The following RNF157 variants were observed in gnomAD, a reference collection of about 807,000 sequenced individuals.
RNF157 encodes E3 ubiquitin ligase RNF157.
A neutral mutation model predicts 88.3 loss-of-function variants in RNF157; 55 were observed. The observed-to-expected ratio is 0.62, with a 90% CI of 0.50 to 0.78. The LOEUF (loss-of-function observed/expected upper bound fraction) is 0.78. Among genes scored for constraint, RNF157 ranks in the 30% least tolerant of loss-of-function variants. The probability of loss-of-function intolerance (pLI) is 0.00; values close to 1 mark genes in which losing one functional copy is unlikely to be tolerated. For synonymous variants in RNF157, 334 were observed against 341.2 expected, an observed-to-expected ratio of 0.98 and a Z score of 0.23; for missense variants, 788 against 860.8, an observed-to-expected ratio of 0.92 and a Z score of 1.06.
intron 1 of RNF157, among the ~76,000 whole-genome samples, chr17:76,223,188 C>A (rs1465674182): frequency 6.7e-6 from 1 of 149,612 alleles, no homozygotes; most frequent in Non-Finnish European, 1.5e-5. Context: ...CCGCACCCGG[C>A]CTTTTTTTTT....
chr17:76,145,130 G>T lies in RNF157; in HGVS notation c.*105C>A. 1 of 703,240 alleles carries T rather than the reference G, an allele frequency of 1.4e-6. No homozygotes were observed. The highest frequency in any genetic ancestry group is 2.4e-6 in the Non-Finnish European group (1 of 409,664). The allele number at this position is 703,240 out of a possible 1,614,324, so 43.6% of individuals were successfully genotyped here. A position where few individuals can be genotyped will look rare whatever the true frequency, so the allele number is the denominator to read the frequency against. On this transcript the variant is annotated 3_prime_UTR_variant, in exon 19 of 19. Coordinates refer to ENST00000269391, the MANE Select transcript of RNF157 (RefSeq NM_052916.3). The stretch of plus-strand genomic sequence containing the variant: ...AGGTTGTAACAGCTGTCACAGGAGG[G>T]TAAAAAGTCTCCAGCATCTTGCTGA...
chr17:76,146,698 G>A lies in RNF157; in HGVS notation c.1922-1345C>T. ...CACGTCACATGGCAGAAACCGCTAG[G>A]TCCTGGAGCTCCTCCATGGGACAAA... On this transcript the variant is annotated intron_variant, in intron 18 of 18. Transcript: ENST00000269391. The surrounding 1 kb of genome is among the most constrained non-coding windows in gnomAD (Gnocchi z 4.2). 1 of 985,476 alleles carries A rather than the reference G, an allele frequency of 1.0e-6. No individual in the cohort carries two copies. Among genetic ancestry groups the A allele is most frequent in the Non-Finnish European group, 1.2e-6 (1 of 829,938 alleles). The allele number at this position is 985,476 out of a possible 1,614,324, so 61.0% of individuals were successfully genotyped here.
At chr17:76,199,964 G>A (rs1401983269) in intron 2 of RNF157, among the ~76,000 whole-genome samples, 1 of 152,136 alleles carries the variant, frequency 6.6e-6, no homozygotes, top group Admixed American at 6.5e-5. Flanking sequence ...CAGGTCGGGC[G>A]CGGTGGCTCA....
chr17:76,187,475 C>T (rs1483900659), intron 2 of RNF157, among the ~76,000 whole-genome samples: 3 of 152,242 alleles, frequency 2.0e-5, no homozygotes, highest in South Asian at 2.1e-4. Flanking sequence ...TGAGCCACGG[C>T]GTCTGGCCAG....
At chr17:76,236,300 C>A (rs1229781314) in intron 1 of RNF157, among the ~76,000 whole-genome samples, 1 of 152,122 alleles carries the variant, frequency 6.6e-6, no homozygotes, top group Non-Finnish European at 1.5e-5. Context: ...ATTAAACTGT[C>A]TTTATATTAT....
At chr17:76,199,345 C>CT (rs752396199) in intron 2 of RNF157, among the ~76,000 whole-genome samples, 4 of 152,272 alleles carry the variant, frequency 2.6e-5, no homozygotes, top group East Asian at 1.9e-4. Context: ...TGGCCTCAAC[C>CT]TCACAGGCTC....
intron 1 of RNF157, among the ~76,000 whole-genome samples, chr17:76,236,491 G>T (rs1270234028): frequency 6.6e-6 from 1 of 152,148 alleles, no homozygotes; most frequent in African/African-American, 2.4e-5. Context: ...AAGCATGTAT[G>T]ACTTCTAACT....
chr17:76,199,714 G>A (rs1449626325), intron 2 of RNF157, among the ~76,000 whole-genome samples: 3 of 152,038 alleles, frequency 2.0e-5, no homozygotes, highest in African/African-American at 4.8e-5. Context: ...ACTTGGTGAC[G>A]CAGCTCGCTG....
Position 76,156,356 on chromosome 17 carries a change from G to A in RNF157, c.1414-35C>T, listed in dbSNP as rs2068764252. 4 of 1,613,154 alleles carry A rather than the reference G, an allele frequency of 2.5e-6. No homozygotes were observed. The South Asian group carries it at 3.3e-5, about 13-fold the overall frequency. On this transcript the variant is annotated intron_variant, in intron 13 of 18. Transcript: ENST00000269391. ...GTGGGGGGACACAACAGGACATGGA[G>A]CAAGCGCCAGTCACCTGTGCTGGAG...
intron 2 of RNF157, among the ~76,000 whole-genome samples, chr17:76,204,502 G>A (rs1288731294): frequency 6.6e-6 from 1 of 152,180 alleles, no homozygotes; most frequent in African/African-American, 2.4e-5. Flanking sequence ...CTAGTTCCCA[G>A]CACAGTATGT....
At chr17:76,233,130 C>T (rs1344895802) in intron 1 of RNF157, among the ~76,000 whole-genome samples, 2 of 152,108 alleles carry the variant, frequency 1.3e-5, no homozygotes, top group South Asian at 2.1e-4. Flanking sequence ...CCATGTTAGC[C>T]AGGATGGTCT....
chr17:76,145,023 G>C lies in RNF157; in HGVS notation c.*212C>G, dbSNP rs1163754574. ...AGAGTCCCTGCAAAAGGTCTCGTGA[G>C]CTGCAGTTCATTGAGTGGCTTTAGG... On this transcript the variant is annotated 3_prime_UTR_variant, in exon 19 of 19. Transcript: ENST00000269391. The C allele has an allele frequency of 1.9e-6, 1 of 521,678 alleles. No homozygotes were observed. Among genetic ancestry groups the C allele is most frequent in the Non-Finnish European group, 3.4e-6 (1 of 294,482 alleles). The allele number at this position is 521,678 out of a possible 1,614,324, so 32.3% of individuals were successfully genotyped here.
At chr17:76,162,148 G>C in intron 9 of RNF157, 146 bp from the exon 10 acceptor site, 1 of 779,538 alleles carries the variant, frequency 1.3e-6, no homozygotes, top group East Asian at 2.7e-5. Context: ...CATTTTCCCA[G>C]TGCGTCCACA....
Position 76,146,475 on chromosome 17 carries a change from C to T in RNF157, c.1922-1122G>A. ...CCCTCCCTCCAGTGAGGCTAGGGCGCTCCTGCCTTGGGCCTCGGCTGCCTC... is the reference window on the plus strand; with the variant it reads ...CCCTCCCTCCAGTGAGGCTAGGGCGTTCCTGCCTTGGGCCTCGGCTGCCTC... On this transcript the variant is annotated intron_variant, in intron 18 of 18. Transcript: ENST00000269391. This position sits in a 1 kb window ranked among gnomAD's most constrained non-coding sequence, Gnocchi z 4.2. 1 of 985,748 alleles carries T rather than the reference C, an allele frequency of 1.0e-6. No individual in the cohort carries two copies. Among genetic ancestry groups the T allele is most frequent in the Non-Finnish European group, 1.2e-6 (1 of 830,172 alleles). The allele number at this position is 985,748 out of a possible 1,614,324, so 61.1% of individuals were successfully genotyped here.
rs1183018610 is a variant in RNF157, at chr17:76,142,770, C to CG, written c.*2464dup. ...GGTCTGTGCCCAGGAGATGCCTCAGCGGGGGTAGAAACTCTGGTGGGATGG... is the reference window on the plus strand; with the variant it reads ...GGTCTGTGCCCAGGAGATGCCTCAGCGGGGGGTAGAAACTCTGGTGGGATGG... On this transcript the variant is annotated 3_prime_UTR_variant, in exon 19 of 19. Transcript: ENST00000269391. The CG allele has an allele frequency of 6.6e-6, 1 of 152,304 alleles. No homozygotes were observed. The highest frequency in any genetic ancestry group is 1.5e-5 in the Non-Finnish European group (1 of 68,166). The allele number at this position is 152,304 out of a possible 1,614,324, so 9.4% of individuals were successfully genotyped here.
Position 76,148,651 on chromosome 17 carries a change from A to G in RNF157, c.1922-3298T>C, listed in dbSNP as rs1598381381. On this transcript the variant is annotated intron_variant, in intron 18 of 18. Transcript: ENST00000269391. Reference sequence around the variant, plus strand: ...AGTGGTGTGATCTTGACTCCCTGCAACCTCCGGTTCCCAGGCTCAATTGAT... The same window carrying G: ...AGTGGTGTGATCTTGACTCCCTGCAGCCTCCGGTTCCCAGGCTCAATTGAT... Among the ~76,000 whole-genome samples the G allele has an allele frequency of 2.0e-5, 3 of 147,884 alleles. No individual in the cohort carries two copies. The South Asian group carries it at 6.4e-4, about 32-fold the overall frequency.
intron 1 of RNF157, among the ~76,000 whole-genome samples, chr17:76,237,103 T>A (rs539411646): frequency 4.8e-4 from 73 of 152,346 alleles, no homozygotes; most frequent in Admixed American, 1.0e-3. Context: ...CTAAATAATT[T>A]AGGCTATTTA....
intron 1 of RNF157, chr17:76,225,931 G>A: frequency 6.2e-7 from 1 of 1,612,994 alleles, no homozygotes; most frequent in Non-Finnish European, 8.5e-7. Context: ...GGTACCTAGT[G>A]GCTGCTGTCT....
chr17:76,164,497 C>T (rs1280399878), intron 8 of RNF157: 10 of 321,748 alleles, frequency 3.1e-5, no homozygotes. Context: ...TCAACACCAA[C>T]ACTTCTGGAA....
Sources: gnomAD v4.1 joint callset for allele counts (sites outside exome capture counted in the v4.1 genomes callset) on GRCh38, gnomAD v4.1.1 for gene constraint, Gnocchi (gnomAD v3.1) non-coding constraint, MANE v1.5 for transcripts, NCBI Gene and HGNC (gene_info 2026-07-23, HGNC 2026-07-21) for gene names.